Variants in ANKRD30A observed in about 807,000 individuals in gnomAD.
ANKRD30A encodes ankyrin repeat domain-containing protein 30A.
In ANKRD30A, 170 loss-of-function variants were observed where a neutral mutation model predicts 166.3. The ratio of observed to expected loss-of-function variants is 1.02; its 90% CI spans 0.90 to 1.16. The LOEUF (loss-of-function observed/expected upper bound fraction) is 1.16, where lower values mean the gene tolerates loss of function less well. ANKRD30A is among the 50% of genes most tolerant of loss of function. ANKRD30A has a pLI of 0.00. For missense variants in ANKRD30A, 1,630 were observed against 1,518.0 expected, an observed-to-expected ratio of 1.07 and a Z score of -1.23; for synonymous variants, 564 against 508.9, an observed-to-expected ratio of 1.11 and a Z score of -1.46.
chr10:37,240,448 T>C, the ANKRD30A span, among the ~76,000 whole-genome samples: 92 of 152,280 alleles, frequency 6.0e-4, no homozygotes, highest in Middle Eastern at 3.4e-3. Flanking sequence ...ATTTTAAATC[T>C]CCAGTCTTTG....
chr10:37,242,983 T>G, the ANKRD30A span, among the ~76,000 whole-genome samples: 25 of 152,244 alleles, frequency 1.6e-4, no homozygotes, highest in Non-Finnish European at 2.8e-4. Flanking sequence ...TATGCACACA[T>G]TTTGATAAAT....
At chr10:37,146,176 A>T (rs1837497457) in intron 8 of ANKRD30A, among the ~76,000 whole-genome samples, 1 of 147,622 alleles carries the variant, frequency 6.8e-6, no homozygotes, top group African/African-American at 2.5e-5. Flanking sequence ...AAGACTTTCT[A>T]ATACTTGATT....
chr10:37,166,262 T>C (rs1163650582), intron 18 of ANKRD30A, among the ~76,000 whole-genome samples: 3 of 152,214 alleles, frequency 2.0e-5, no homozygotes, highest in East Asian at 3.8e-4. Flanking sequence ...GTTTGAAATG[T>C]CTTATTTATT....
chr10:37,141,591 AAAG>A (rs1397411960), intron 6 of ANKRD30A, 124 bp from the exon 7 acceptor site: 20 of 1,324,866 alleles, frequency 1.5e-5, no homozygotes, highest in Admixed American at 2.8e-5. Flanking sequence ...AAAAAAAAAA[AAAG>A]AGAAAAGAAA....
the ANKRD30A span, among the ~76,000 whole-genome samples, chr10:37,242,616 C>T: frequency 2.6e-5 from 4 of 152,150 alleles, no homozygotes; most frequent in African/African-American, 9.7e-5. Context: ...ATAAAAAAGT[C>T]ATGACTTTAC....
rs746274028 is a variant in ANKRD30A at position 37,130,327 on chromosome 10, A to G, written c.459A>G (p.Ser153=). 2 of 1,586,206 alleles carry G rather than the reference A, an allele frequency of 1.3e-6. No homozygotes were observed. Among genetic ancestry groups the G allele is most frequent in the Non-Finnish European group, 8.6e-7 (1 of 1,166,944 alleles). ...LHYAVYSEIL[S]VVAKLLSHGA... ...ATGCTGTTTATAGTGAGATTTTGTC[A>G]GTGGTGGCAAAACTGCTGTCCCATG... The change falls in exon 3 of 36, where the codon TCA becomes TCG. Residue 153 remains serine (S), a synonymous_variant. Coordinates refer to ENST00000361713, the MANE Select transcript of ANKRD30A (RefSeq NM_052997.3).
chr10:37,164,976 C>T (rs74394840), intron 17 of ANKRD30A, 118 bp from the exon 18 acceptor site: 19,358 of 1,074,546 alleles, frequency 0.018, 559 homozygotes, highest in African/African-American at 0.096. Context: ...ACAAAAAGAA[C>T]ATATGGGCCA....
the ANKRD30A span, among the ~76,000 whole-genome samples, chr10:37,263,646 G>A: frequency 1.3e-5 from 2 of 152,082 alleles, no homozygotes; most frequent in African/African-American, 4.8e-5. Flanking sequence ...CTGACAGGAG[G>A]CAGAGCTTCA....
rs780178921 is a variant in ANKRD30A at position 37,133,912 on chromosome 10, T to G, written c.618-4T>G. On this transcript the variant is annotated splice_polypyrimidine_tract_variant and splice_region_variant and intron_variant, in intron 4 of 35. Coordinates refer to ENST00000361713, the MANE Select transcript of ANKRD30A (RefSeq NM_052997.3). ...ATAATGAAGTTATCTCTTTGTTATT[T>G]TAGCACAGCCCTCATGCTTGCTGTA... The G allele has an allele frequency of 6.2e-7, 1 of 1,613,378 alleles. No homozygotes were observed. The highest frequency in any genetic ancestry group is 2.2e-5 in the East Asian group (1 of 44,850).
intron 29 of ANKRD30A, among the ~76,000 whole-genome samples, chr10:37,198,018 G>T (rs1488697827): frequency 1.3e-5 from 2 of 151,926 alleles, no homozygotes; most frequent in Non-Finnish European, 2.9e-5. Context: ...ACTTTACCTT[G>T]TGAAGATGAG....
At position 37,171,897 on chromosome 10, in the gene ANKRD30A, C is replaced by T. The variant is rs1210056137; in HGVS notation, c.2258-1815C>T. Among the ~76,000 whole-genome samples, 66 of 144,546 alleles carry T rather than the reference C, an allele frequency of 4.6e-4. No individual in the cohort carries two copies. The Middle Eastern group carries it at 0.014, about 30-fold the overall frequency. 94.8% of individuals were successfully genotyped at this position (144,546 alleles called of 152,430 possible). A position where few individuals can be genotyped will look rare whatever the true frequency, so the allele number is the denominator to read the frequency against. ...TTCTCATATAAACTGTGAAAATTCT[C>T]CACGGCTTCACATGCTAGTTCAGAA... On this transcript the variant is annotated intron_variant, in intron 21 of 35. Coordinates refer to ENST00000361713, the MANE Select transcript of ANKRD30A (RefSeq NM_052997.3).
chr10:37,227,641 T>C (rs1843220990), intron 34 of ANKRD30A, among the ~76,000 whole-genome samples: 1 of 151,972 alleles, frequency 6.6e-6, no homozygotes, highest in African/African-American at 2.4e-5. Context: ...ATGGCCAGCT[T>C]ATGCACTGCT....
chr10:37,133,247 A>G (rs191498584), intron 4 of ANKRD30A, among the ~76,000 whole-genome samples: 158 of 152,252 alleles, frequency 1.0e-3, no homozygotes, highest in Non-Finnish European at 2.0e-3. Flanking sequence ...AATTTTAGTT[A>G]ATTAAGTTAA....
chr10:37,133,807 T>C lies in ANKRD30A; in HGVS notation c.618-109T>C, dbSNP rs142195718. The C allele has an allele frequency of 4.9e-3, 6,561 of 1,327,224 alleles. 24 individuals are homozygous for C. The highest frequency in any genetic ancestry group is 6.0e-3 in the Non-Finnish European group (5,740 of 961,032). The allele number at this position is 1,327,224 out of a possible 1,614,324, so 82.2% of individuals were successfully genotyped here. A position where few individuals can be genotyped will look rare whatever the true frequency, so the allele number is the denominator to read the frequency against. On this transcript the variant is annotated intron_variant, in intron 4 of 35. Coordinates refer to ENST00000361713, the MANE Select transcript of ANKRD30A (RefSeq NM_052997.3). ...TTTACAAGGATAAACACTTGAGCAC[T>C]CAAGATACTTATGTTTGTTGGTACA... is the stretch of plus-strand genomic sequence containing the variant.
At position 37,213,253 on chromosome 10, in the gene ANKRD30A, G is replaced by C. The variant is rs559077138; in HGVS notation, c.2870-2928G>C. On this transcript the variant is annotated intron_variant, in intron 31 of 35. Coordinates refer to ENST00000361713, the MANE Select transcript of ANKRD30A (RefSeq NM_052997.3). ...ACAGTTCAAGATCAAGGTATCATCAGATTTGATGTCTGAATAGGTACCACT... is the reference window on the plus strand; with the variant it reads ...ACAGTTCAAGATCAAGGTATCATCACATTTGATGTCTGAATAGGTACCACT... Among the ~76,000 whole-genome samples the C allele has an allele frequency of 2.6e-5, 4 of 151,990 alleles. No individual in the cohort carries two copies. In the South Asian group the frequency reaches 8.3e-4, roughly 31 times the overall value.
chr10:37,216,084 AT>A (rs1842591346), intron 31 of ANKRD30A, 96 bp from the exon 32 acceptor site: 3 of 789,980 alleles, frequency 3.8e-6, no homozygotes, highest in Non-Finnish European at 5.8e-6. Context: ...GGCAATCAAT[AT>A]ATATTTGTTC....
chr10:37,219,100 A>G lies in ANKRD30A; in HGVS notation c.3388A>G (p.Asn1130Asp). Residue 1130 changes from asparagine to aspartate, a missense_variant, in exon 34 of 36, where the codon AAT becomes GAT. Physicochemically the swap from Asn to Asp is conservative, Grantham distance 23. Transcript: ENST00000361713. ...GAAACACCAATACCAGGAAAAGGAA[A>G]ATAAATACTTTGAGGACATTAAGAT... is the stretch of plus-strand genomic sequence containing the variant. ...TLKHQYQEKENKYFEDIKILK... is the reference protein window; with the variant it reads ...TLKHQYQEKEDKYFEDIKILK... 6.2e-7 allele frequency: 1 copy of G among 1,609,564 alleles called. No homozygotes were observed. Among genetic ancestry groups the G allele is most frequent in the Non-Finnish European group, 8.5e-7 (1 of 1,176,994 alleles).
chr10:37,159,549 A>G (rs572520645), intron 15 of ANKRD30A, among the ~76,000 whole-genome samples: 2 of 152,226 alleles, frequency 1.3e-5, no homozygotes, highest in East Asian at 3.9e-4. Flanking sequence ...AACTCACAAC[A>G]TGTATGTGGT....
chr10:37,145,496 C>CA (rs949763611), intron 8 of ANKRD30A, among the ~76,000 whole-genome samples: 11 of 114,388 alleles, frequency 9.6e-5, no homozygotes, highest in African/African-American at 3.2e-4. Flanking sequence ...ACTCTGTCTC[C>CA]AAAAAAAGAA....
Sources: allele counts gnomAD v4.1 joint callset (sites outside exome capture counted in the v4.1 genomes callset), GRCh38; gene constraint gnomAD v4.1.1; transcripts MANE v1.5; gene names NCBI Gene and HGNC (gene_info 2026-07-23, HGNC 2026-07-21).